AP2B1: variants seen among roughly 807,000 people sequenced by gnomAD.
AP2B1 encodes adaptor related protein complex 2 subunit beta 1, also known as AP-2 complex subunit beta.
In AP2B1, 23 loss-of-function variants were observed where a neutral mutation model predicts 102.0. The ratio of observed to expected loss-of-function variants is 0.23; its 90% CI spans 0.16 to 0.32. AP2B1 has a LOEUF of 0.32. AP2B1 is among the 10% of genes least tolerant of loss of function. The pLI is 1.00. For missense variants in AP2B1, 541 were observed against 1,157.4 expected, an observed-to-expected ratio of 0.47 and a Z score of 7.73; for synonymous variants, 381 against 421.2, an observed-to-expected ratio of 0.90 and a Z score of 1.17.
At chr17:35,714,480 C>G (rs1055724110) in intron 20 of AP2B1, among the ~76,000 whole-genome samples, 1 of 152,102 alleles carries the variant, frequency 6.6e-6, no homozygotes, top group Non-Finnish European at 1.5e-5. Context: ...AAGATCACAT[C>G]GACACCTTCT....
At chr17:35,600,206 C>T (rs1302874199) in intron 3 of AP2B1, among the ~76,000 whole-genome samples, 2 of 151,968 alleles carry the variant, frequency 1.3e-5, no homozygotes, top group African/African-American at 4.8e-5. Flanking sequence ...CTCAGCCTCC[C>T]AAGTAGCTGG....
chr17:35,595,549 A>C (rs1474233594), intron 2 of AP2B1, among the ~76,000 whole-genome samples: 2 of 152,254 alleles, frequency 1.3e-5, no homozygotes, highest in Admixed American at 6.5e-5. Flanking sequence ...CCTGTCTCAA[A>C]AGAAAAAAAT....
chr17:35,666,077 G>C (rs2075457828), intron 14 of AP2B1, among the ~76,000 whole-genome samples: 1 of 152,146 alleles, frequency 6.6e-6, no homozygotes, highest in East Asian at 1.9e-4. Context: ...GTAGCACATT[G>C]CCATTGGACA....
Position 35,607,917 on chromosome 17 carries a change from C to T in AP2B1, c.280-225C>T, listed in dbSNP as rs1212143125. ...TAGAGTGAATCCTGCTGAGCTGTTT[C>T]TCATTTTGTATTTAAAACAGTTAAA... On this transcript the variant is annotated intron_variant, in intron 4 of 21. Transcript: ENST00000610402. 5 of 535,504 alleles carry T rather than the reference C, an allele frequency of 9.3e-6. No homozygotes were observed. The Admixed American group carries it at 1.7e-4, about 18-fold the overall frequency. 33.2% of individuals were successfully genotyped at this position (535,504 alleles called of 1,614,324 possible).
intron 9 of AP2B1, among the ~76,000 whole-genome samples, chr17:35,630,187 T>C (rs909401826): frequency 1.3e-5 from 2 of 152,238 alleles, no homozygotes; most frequent in African/African-American, 4.8e-5. Flanking sequence ...CTTCATGTAG[T>C]TTCTGTTGAT....
chr17:35,669,224 A>C (rs1324796581), intron 14 of AP2B1, among the ~76,000 whole-genome samples: 1 of 149,626 alleles, frequency 6.7e-6, no homozygotes, highest in East Asian at 2.0e-4. Context: ...GCTCACCGCA[A>C]CCTCCGTCTC....
chr17:35,684,483 GCA>G (rs908675407), intron 18 of AP2B1, among the ~76,000 whole-genome samples: 1 of 152,148 alleles, frequency 6.6e-6, no homozygotes, highest in African/African-American at 2.4e-5. Flanking sequence ...TTAAATACCA[GCA>G]CAGCAGGCCT....
rs1460114197 is a variant in AP2B1, at chr17:35,650,798, G to A, written c.1796+9G>A. The A allele has an allele frequency of 1.2e-6, 2 of 1,612,946 alleles. No homozygotes were observed. The highest frequency in any genetic ancestry group is 1.7e-6 in the Non-Finnish European group (2 of 1,178,950). ...CCAATTCATCATGGGAGGTAAGAAGGTGTGAACTGTCTCTGAGTGAGAAAT... is the reference window on the plus strand; with the variant it reads ...CCAATTCATCATGGGAGGTAAGAAGATGTGAACTGTCTCTGAGTGAGAAAT... On this transcript the variant is annotated intron_variant, in intron 13 of 21. Coordinates refer to ENST00000610402, the MANE Select transcript of AP2B1 (RefSeq NM_001030006.2).
At chr17:35,647,048 A>G (rs2074953078) in intron 12 of AP2B1, among the ~76,000 whole-genome samples, 1 of 152,220 alleles carries the variant, frequency 6.6e-6, no homozygotes, top group African/African-American at 2.4e-5. Context: ...TTAAGATATT[A>G]CTAGTCCATA....
chr17:35,598,541 T>G (rs1030713061), intron 3 of AP2B1, among the ~76,000 whole-genome samples: 3 of 152,208 alleles, frequency 2.0e-5, no homozygotes, highest in African/African-American at 7.2e-5. Flanking sequence ...GTGTGTGTGT[T>G]TGTGTTAGAA....
intron 16 of AP2B1, among the ~76,000 whole-genome samples, chr17:35,673,203 C>T (rs1404521367): frequency 6.6e-6 from 1 of 151,856 alleles, no homozygotes; most frequent in Non-Finnish European, 1.5e-5. Context: ...GCTCATGACT[C>T]CTGATTTTTT....
chr17:35,646,368 A>G (rs562319489), intron 12 of AP2B1, among the ~76,000 whole-genome samples: 1 of 143,056 alleles, frequency 7.0e-6, no homozygotes, highest in East Asian at 2.1e-4. Flanking sequence ...CTAACAGGTC[A>G]TCCCTCAGAA....
intron 18 of AP2B1, among the ~76,000 whole-genome samples, chr17:35,696,348 G>C (rs1468788815): frequency 6.6e-6 from 1 of 151,846 alleles, no homozygotes. Context: ...AGGATGGGAG[G>C]TGAGGGGAAT....
At chr17:35,664,736 C>G (rs1437514392) in intron 14 of AP2B1, among the ~76,000 whole-genome samples, 1 of 152,168 alleles carries the variant, frequency 6.6e-6, no homozygotes, top group Non-Finnish European at 1.5e-5. Flanking sequence ...ACGAAACAGT[C>G]CTTGGAAGCT....
At chr17:35,627,751 TC>T in intron 9 of AP2B1, 25 bp downstream of exon 9, 1 of 1,586,498 alleles carries the variant, frequency 6.3e-7, no homozygotes. Context: ...GTAGTTAGGA[TC>T]ATGTATTGGG....
chr17:35,658,697 T>C (rs991635407), intron 14 of AP2B1, among the ~76,000 whole-genome samples: 4 of 152,194 alleles, frequency 2.6e-5, no homozygotes, highest in African/African-American at 4.8e-5. Flanking sequence ...ACCAATATCA[T>C]TGGAGGGCTG....
intron 11 of AP2B1, among the ~76,000 whole-genome samples, chr17:35,640,755 A>G (rs1466278284): frequency 1.3e-5 from 2 of 152,190 alleles, no homozygotes; most frequent in African/African-American, 4.8e-5. Context: ...GGAACCACAC[A>G]TTGACAACCA....
chr17:35,635,667 C>T (rs2074586911), intron 9 of AP2B1, among the ~76,000 whole-genome samples: 1 of 152,178 alleles, frequency 6.6e-6, no homozygotes, highest in African/African-American at 2.4e-5. Flanking sequence ...GGATTACAGT[C>T]ATGAGCCACA....
intron 1 of AP2B1, among the ~76,000 whole-genome samples, chr17:35,589,708 C>G (rs200633493): frequency 6.6e-6 from 1 of 152,284 alleles, no homozygotes; most frequent in Admixed American, 6.5e-5. Context: ...GGCCTTAGGC[C>G]ATACCGTAAA....
Sources: allele counts gnomAD v4.1 joint callset (sites outside exome capture counted in the v4.1 genomes callset), GRCh38; gene constraint gnomAD v4.1.1; transcripts MANE v1.5; gene names NCBI Gene and HGNC (gene_info 2026-07-23, HGNC 2026-07-21).